TBCK: variants seen among roughly 807,000 people sequenced by gnomAD.
TBCK encodes the protein TBC domain-containing protein kinase-like protein.
Under a neutral mutation model 113.4 loss-of-function variants are expected in TBCK, and 99 were observed. The observed-to-expected ratio is 0.87, with a 90% confidence interval of 0.74 to 1.03. The LOEUF (loss-of-function observed/expected upper bound fraction) is 1.03. Among genes scored for constraint, TBCK ranks in the 50% least tolerant of loss-of-function variants. The pLI is 0.00. For missense variants in TBCK, 1,045 were observed against 1,061.3 expected (o/e 0.98, Z 0.21); for synonymous variants, 369 against 370.8 (o/e 1.00, Z 0.05).
chr4:106,314,546 A>G lies in TBCK; in HGVS notation c.-30+1385T>C, dbSNP rs1439563044. On this transcript the variant is annotated intron_variant, in intron 1 of 25. Transcript: ENST00000394708. ...GGTTAAAAGTGGTTATCTTTGAAGA[A>G]CAGTACTGAGAGTAGGACAGGTGAG... 2.6e-5 allele frequency among the ~76,000 whole-genome samples: 4 copies of G among 152,078 alleles called. No individual in the cohort carries two copies. In the East Asian group the frequency reaches 7.7e-4, roughly 29 times the overall value.
At chr4:106,195,168 T>C (rs1754073478) in intron 20 of TBCK, among the ~76,000 whole-genome samples, 1 of 152,122 alleles carries the variant, frequency 6.6e-6, no homozygotes, top group Non-Finnish European at 1.5e-5. Flanking sequence ...TTTCCTCAAT[T>C]AAACTCTGTT....
chr4:106,240,328 C>A (rs1177102106), intron 12 of TBCK, among the ~76,000 whole-genome samples: 1 of 151,712 alleles, frequency 6.6e-6, no homozygotes, highest in African/African-American at 2.4e-5. Flanking sequence ...TATTCAATAG[C>A]GTTATAGACG....
chr4:106,182,630 G>A (rs1037939574), intron 22 of TBCK: 1 of 152,084 alleles, frequency 6.6e-6, no homozygotes, highest in African/African-American at 2.4e-5. Context: ...AGATAATCAT[G>A]TGGTTTTTGT....
At chr4:106,148,180 C>A (rs910696203) in intron 23 of TBCK, among the ~76,000 whole-genome samples, 1 of 152,228 alleles carries the variant, frequency 6.6e-6, no homozygotes, top group Non-Finnish European at 1.5e-5. Flanking sequence ...TTTAATTTCA[C>A]CCCAGTCCTG....
chr4:106,123,508 A>G (rs980648730), intron 23 of TBCK, among the ~76,000 whole-genome samples: 1 of 152,196 alleles, frequency 6.6e-6, no homozygotes, highest in African/African-American at 2.4e-5. Flanking sequence ...TCTTCACAGA[A>G]TTGGAAAAAA....
At position 106,262,206 on chromosome 4, in the gene TBCK, T is replaced by C; in HGVS notation, c.273A>G (p.Ser91=). ...LLRERKPVSC[S]TVLCIAFEVL... is the part of the protein sequence containing the mutation. ...CCTCAAATGCTATACACAAAACCGT[T>C]GAACAGCTACAAAGAAAACAAAAAG... The change falls in exon 4 of 26, where the codon TCA becomes TCG. Residue 91 remains serine (S), a synonymous_variant. Coordinates refer to ENST00000394708, the MANE Select transcript of TBCK (RefSeq NM_001163435.3). 6.5e-7 allele frequency: 1 copy of C among 1,533,920 alleles called. No homozygotes were observed. Among genetic ancestry groups the C allele is most frequent in the South Asian group, 1.2e-5 (1 of 81,630 alleles).
chr4:106,149,469 T>C (rs1748223632), intron 23 of TBCK, among the ~76,000 whole-genome samples: 1 of 152,200 alleles, frequency 6.6e-6, no homozygotes, highest in Non-Finnish European at 1.5e-5. Flanking sequence ...GGCTACTAAT[T>C]GATCTAATTT....
rs1051747947 is a variant in TBCK at position 106,194,699 on chromosome 4, C to T, written c.1897+19G>A. ...TTTGCTAATACAATATCAAAAAAAC[C>T]GGGGGAAGTCATACTTACGAGTAAA... On this transcript the variant is annotated intron_variant, in intron 21 of 25. Coordinates refer to ENST00000394708, the MANE Select transcript of TBCK (RefSeq NM_001163435.3). The T allele has an allele frequency of 8.8e-6, 14 of 1,586,420 alleles. No homozygotes were observed. The highest frequency in any genetic ancestry group is 4.1e-5 in the African/African-American group (3 of 72,392).
intron 23 of TBCK, among the ~76,000 whole-genome samples, chr4:106,120,604 C>T (rs1028131205): frequency 1.4e-4 from 22 of 152,190 alleles, no homozygotes; most frequent in Non-Finnish European, 2.2e-4. Context: ...TCTCTCAGCA[C>T]GCAGCTGGAG....
rs1166483548 is a variant in TBCK, at chr4:106,045,641, G to A, written c.*929C>T. The A allele has an allele frequency of 6.6e-6, 1 of 152,240 alleles. No homozygotes were observed. The highest frequency in any genetic ancestry group is 2.4e-5 in the African/African-American group (1 of 41,444). The allele number at this position is 152,240 out of a possible 1,614,324, so 9.4% of individuals were successfully genotyped here. On this transcript the variant is annotated 3_prime_UTR_variant, in exon 26 of 26. Coordinates refer to ENST00000394708, the MANE Select transcript of TBCK (RefSeq NM_001163435.3). Reference sequence around the variant, plus strand: ...TCTGGTTTATGACCTTAAAGGGAAGGAGTGTGCTTCGCTTCTTTTCCTTTC... The same window carrying A: ...TCTGGTTTATGACCTTAAAGGGAAGAAGTGTGCTTCGCTTCTTTTCCTTTC...
chr4:106,125,173 T>C (rs1745028955), intron 23 of TBCK, among the ~76,000 whole-genome samples: 1 of 151,964 alleles, frequency 6.6e-6, no homozygotes, highest in African/African-American at 2.4e-5. Context: ...TGGAGGTTCC[T>C]CAAAAAACTA....
intron 22 of TBCK, among the ~76,000 whole-genome samples, chr4:106,188,331 CT>C (rs1235231467): frequency 6.6e-6 from 1 of 152,092 alleles, no homozygotes; most frequent in Admixed American, 6.6e-5. Flanking sequence ...CAGTTTCTGA[CT>C]TTTAAAGGTT....
intron 23 of TBCK, among the ~76,000 whole-genome samples, chr4:106,157,148 G>C (rs1361590173): frequency 6.6e-6 from 1 of 152,090 alleles, no homozygotes; most frequent in African/African-American, 2.4e-5. Flanking sequence ...TGGGAGCTAG[G>C]TCCTGGAAAG....
intron 17 of TBCK, among the ~76,000 whole-genome samples, chr4:106,232,404 TAAC>T (rs1281887949): frequency 6.6e-6 from 1 of 151,158 alleles, no homozygotes; most frequent in Non-Finnish European, 1.5e-5. Context: ...TAGCCACTTA[TAAC>T]AACACATTCA....
intron 23 of TBCK, among the ~76,000 whole-genome samples, chr4:106,149,844 T>C (rs1748275684): frequency 6.6e-6 from 1 of 152,180 alleles, no homozygotes; most frequent in African/African-American, 2.4e-5. Flanking sequence ...GAAAGTGCAG[T>C]GATGAGAAGC....
chr4:106,138,253 C>T (rs1345984676), intron 23 of TBCK, among the ~76,000 whole-genome samples: 4 of 140,694 alleles, frequency 2.8e-5, no homozygotes, highest in Admixed American at 7.0e-5. Flanking sequence ...GTATGTAATC[C>T]GTTGTTGACT....
intron 24 of TBCK, among the ~76,000 whole-genome samples, chr4:106,102,966 T>C (rs1344023556): frequency 1.3e-5 from 2 of 152,192 alleles, no homozygotes; most frequent in Non-Finnish European, 2.9e-5. Context: ...TAGACTTTAA[T>C]TGCGAAGATT....
intron 25 of TBCK, among the ~76,000 whole-genome samples, chr4:106,082,305 ACGCCATTATCCTAAG>A (rs1286556755): frequency 6.6e-6 from 1 of 152,228 alleles, no homozygotes; most frequent in African/African-American, 2.4e-5. Flanking sequence ...AAGCAGCTGG[ACGCCATTATCCTAAG>A]TGAACTAATG....
chr4:106,185,917 G>C (rs1290639304), intron 22 of TBCK, among the ~76,000 whole-genome samples: 1 of 151,974 alleles, frequency 6.6e-6, no homozygotes, highest in Non-Finnish European at 1.5e-5. Flanking sequence ...GGTGTCTATT[G>C]TTCTCTTCGT....
Sources: gnomAD v4.1 joint callset for allele counts (sites outside exome capture counted in the v4.1 genomes callset) on GRCh38, gnomAD v4.1.1 for gene constraint, MANE v1.5 for transcripts, NCBI Gene and HGNC (gene_info 2026-07-23, HGNC 2026-07-21) for gene names.